The following ZNF804A variants were observed in gnomAD, a reference collection of about 807,000 sequenced individuals.
ZNF804A encodes zinc finger protein 804A.
Under a neutral mutation model 16.5 loss-of-function variants are expected in ZNF804A, and 2 were observed. That is an observed-to-expected ratio of 0.12 (90% CI 0.05 to 0.38). The LOEUF is 0.38. Ranked by LOEUF, ZNF804A falls within the 10% of genes least tolerant of loss-of-function variation. ZNF804A has a pLI of 0.99. For synonymous variants in ZNF804A, 534 were observed against 489.6 expected (o/e 1.09, Z -1.20); for missense variants, 1,473 against 1,390.7 (o/e 1.06, Z -0.94).
intron 2 of ZNF804A, among the ~76,000 whole-genome samples, chr2:184,919,468 G>C (rs1297773251): frequency 6.6e-6 from 1 of 152,120 alleles, no homozygotes. Flanking sequence ...GAGTTCATTG[G>C]GCAGTGACAC....
chr2:184,694,395 G>T (rs1254653332), intron 1 of ZNF804A, among the ~76,000 whole-genome samples: 1 of 152,014 alleles, frequency 6.6e-6, no homozygotes, highest in East Asian at 1.9e-4. Flanking sequence ...TAGGAGCTTG[G>T]TTTTTACCAT....
chr2:184,935,771 TTC>T lies in ZNF804A; in HGVS notation c.387-4_387-3del. ...TGTGCTATTTAACACATGCTTCTGT[TTC>T]TCTCTCTAGTGCTCCTGGAAGTGGC... On this transcript the variant is annotated splice_polypyrimidine_tract_variant and intron_variant, in intron 3 of 3. Coordinates refer to ENST00000302277, the MANE Select transcript of ZNF804A (RefSeq NM_194250.2). The T allele has an allele frequency of 6.4e-7, 1 of 1,566,064 alleles. No individual in the cohort carries two copies. Among genetic ancestry groups the T allele is most frequent in the Non-Finnish European group, 8.6e-7 (1 of 1,159,166 alleles).
chr2:184,894,939 C>T (rs1462741736), intron 2 of ZNF804A, among the ~76,000 whole-genome samples: 2 of 152,028 alleles, frequency 1.3e-5, no homozygotes, highest in African/African-American at 4.8e-5. Flanking sequence ...GTGATCCCCC[C>T]ACGTCGGCCT....
At chr2:184,861,971 T>C (rs902117861) in intron 1 of ZNF804A, among the ~76,000 whole-genome samples, 8 of 152,314 alleles carry the variant, frequency 5.3e-5, no homozygotes, top group Non-Finnish European at 1.0e-4. Flanking sequence ...TTTACATATA[T>C]GTAAAAAGTG....
At chr2:184,624,150 C>T (rs1266113353) in intron 1 of ZNF804A, among the ~76,000 whole-genome samples, 1 of 152,026 alleles carries the variant, frequency 6.6e-6, no homozygotes, top group Non-Finnish European at 1.5e-5. Context: ...GTGTTGGCTC[C>T]ATTTTTATTC....
intron 2 of ZNF804A, among the ~76,000 whole-genome samples, chr2:184,867,838 C>T (rs1695898383): frequency 1.3e-5 from 2 of 151,956 alleles, no homozygotes; most frequent in African/African-American, 4.8e-5. Flanking sequence ...GAAAGTCATT[C>T]CTCTGATTTT....
intron 2 of ZNF804A, among the ~76,000 whole-genome samples, chr2:184,913,792 G>A (rs1364554194): frequency 6.6e-6 from 1 of 152,090 alleles, no homozygotes; most frequent in African/African-American, 2.4e-5. Flanking sequence ...CTCAATAATA[G>A]TTTCTAAACA....
At chr2:184,737,747 G>A (rs569892461) in intron 1 of ZNF804A, among the ~76,000 whole-genome samples, 29 of 152,008 alleles carry the variant, frequency 1.9e-4, no homozygotes, top group African/African-American at 6.8e-4. Context: ...TAAACTCTTC[G>A]ACTTGAATAA....
rs549912288 is a variant in ZNF804A, at chr2:184,715,418, T to G, written c.111+116348T>G. ...TTTTTTTAAAGAGACATGGTCTCACTGTGTCACCCAAGCTGGAGGGCAGCA... is the reference window on the plus strand; with the variant it reads ...TTTTTTTAAAGAGACATGGTCTCACGGTGTCACCCAAGCTGGAGGGCAGCA... On this transcript the variant is annotated intron_variant, in intron 1 of 3. Coordinates refer to ENST00000302277, the MANE Select transcript of ZNF804A (RefSeq NM_194250.2). 1.2e-4 allele frequency among the ~76,000 whole-genome samples: 18 copies of G among 152,174 alleles called. 1 individual carries two copies. Among genetic ancestry groups the G allele is most frequent in the Admixed American group, 1.2e-3 (18 of 15,258 alleles).
chr2:184,733,721 G>C (rs1693561313), intron 1 of ZNF804A, among the ~76,000 whole-genome samples: 1 of 152,108 alleles, frequency 6.6e-6, no homozygotes, highest in African/African-American at 2.4e-5. Context: ...TATTTAGATG[G>C]TCTATTCTTG....
chr2:184,628,315 A>G (rs1428294996), intron 1 of ZNF804A, among the ~76,000 whole-genome samples: 2 of 152,270 alleles, frequency 1.3e-5, no homozygotes, highest in South Asian at 2.1e-4. Flanking sequence ...CCGTCTCTGA[A>G]AAAGAAAAGA....
At chr2:184,875,943 A>G (rs566466698) in intron 2 of ZNF804A, among the ~76,000 whole-genome samples, 2 of 152,202 alleles carry the variant, frequency 1.3e-5, no homozygotes, top group African/African-American at 4.8e-5. Flanking sequence ...GATGCTTTGA[A>G]GAGATAGAAA....
intron 1 of ZNF804A, among the ~76,000 whole-genome samples, chr2:184,648,482 TA>T (rs2105698727): frequency 6.6e-6 from 1 of 152,058 alleles, no homozygotes; most frequent in East Asian, 1.9e-4. Flanking sequence ...GGATTAAAAG[TA>T]AAAACAACAA....
intron 1 of ZNF804A, among the ~76,000 whole-genome samples, chr2:184,694,559 T>C (rs1471742002): frequency 6.6e-6 from 1 of 152,176 alleles, no homozygotes; most frequent in Non-Finnish European, 1.5e-5. Context: ...TTAAATAACC[T>C]AAGAGTATAT....
chr2:184,901,642 T>C (rs77121047), intron 2 of ZNF804A, among the ~76,000 whole-genome samples: 132 of 152,250 alleles, frequency 8.7e-4, no homozygotes, highest in African/African-American at 3.1e-3. Flanking sequence ...TTTGTCATGA[T>C]ATGAAAGGCT....
intron 1 of ZNF804A, among the ~76,000 whole-genome samples, chr2:184,773,849 G>C (rs1236142738): frequency 1.3e-5 from 2 of 151,884 alleles, no homozygotes; most frequent in Non-Finnish European, 2.9e-5. Flanking sequence ...TAGCAAGCTA[G>C]TATCAAACAG....
intron 1 of ZNF804A, among the ~76,000 whole-genome samples, chr2:184,773,917 A>C (rs1174192838): frequency 6.6e-6 from 1 of 151,966 alleles, no homozygotes; most frequent in African/African-American, 2.4e-5. Flanking sequence ...TGTTAATGTA[A>C]AGTCAGGAGA....
intron 1 of ZNF804A, among the ~76,000 whole-genome samples, chr2:184,793,839 G>C (rs1694590249): frequency 6.6e-6 from 1 of 152,100 alleles, no homozygotes; most frequent in Admixed American, 6.6e-5. Context: ...TTCCATTCCT[G>C]AGTTACTTCA....
intron 2 of ZNF804A, among the ~76,000 whole-genome samples, chr2:184,884,892 G>A (rs1463485201): frequency 1.3e-5 from 2 of 152,048 alleles, no homozygotes; most frequent in Non-Finnish European, 2.9e-5. Context: ...AAAAGAAATT[G>A]TCAACAAAGA....
Sources: gnomAD v4.1 joint callset for allele counts (sites outside exome capture counted in the v4.1 genomes callset) on GRCh38, gnomAD v4.1.1 for gene constraint, MANE v1.5 for transcripts, NCBI Gene and HGNC (gene_info 2026-07-23, HGNC 2026-07-21) for gene names.